The following DENND5B variants were observed in gnomAD, a reference collection of about 807,000 sequenced individuals.
DENND5B encodes the protein DENN domain-containing protein 5B.
In DENND5B, 34 loss-of-function variants were observed where a neutral mutation model predicts 140.6. The observed-to-expected ratio is 0.24, with a 90% CI of 0.18 to 0.32. DENND5B has a LOEUF of 0.32. DENND5B is among the 10% of genes least tolerant of loss of function. The pLI is 1.00. For missense variants in DENND5B, 1,142 were observed against 1,560.2 expected (o/e 0.73, Z 4.52); for synonymous variants, 551 against 562.1 (o/e 0.98, Z 0.28).
Position 31,580,391 on chromosome 12 carries a change from CTTTTT to C in DENND5B, c.127+10310_127+10314del, listed in dbSNP as rs1950176500. 6.6e-5 allele frequency among the ~76,000 whole-genome samples: 10 copies of C among 152,118 alleles called. 1 individual carries two copies. In the South Asian group the frequency reaches 2.1e-3, roughly 32 times the overall value. ...AGCCCTTCACAAAGCTGTTAGATACCTTTTTTTAGAAATCATTTATCCATTATCTT... is the reference window on the plus strand; with the variant it reads ...AGCCCTTCACAAAGCTGTTAGATACCTTAGAAATCATTTATCCATTATCTT... On this transcript the variant is annotated intron_variant, in intron 1 of 20. Coordinates refer to ENST00000389082, the MANE Select transcript of DENND5B (RefSeq NM_144973.4).
chr12:31,547,572 A>G (rs1390766689), intron 1 of DENND5B, among the ~76,000 whole-genome samples: 1 of 150,874 alleles, frequency 6.6e-6, no homozygotes, highest in Non-Finnish European at 1.5e-5. Flanking sequence ...TAATTTTTGT[A>G]TTTTTAGTAG....
intron 17 of DENND5B, among the ~76,000 whole-genome samples, chr12:31,393,086 G>A (rs1314452302): frequency 6.6e-6 from 1 of 152,132 alleles, no homozygotes; most frequent in African/African-American, 2.4e-5. Context: ...CCCCAAATAT[G>A]AGAAGCAAGG....
chr12:31,525,033 C>T (rs1948038078), intron 1 of DENND5B, among the ~76,000 whole-genome samples: 1 of 152,166 alleles, frequency 6.6e-6, no homozygotes, highest in Non-Finnish European at 1.5e-5. Context: ...CAATGAGATA[C>T]CACTTCACAC....
At chr12:31,562,926 CT>C (rs36081364) in intron 1 of DENND5B, among the ~76,000 whole-genome samples, 100,428 of 147,502 alleles carry the variant, frequency 0.68, 34,241 homozygotes, top group East Asian at 0.83. Context: ...TTCCTTTTTC[CT>C]TTTTTTTTTT....
intron 1 of DENND5B, among the ~76,000 whole-genome samples, chr12:31,501,565 G>A (rs1167168922): frequency 1.3e-5 from 2 of 152,162 alleles, no homozygotes; most frequent in Non-Finnish European, 2.9e-5. Flanking sequence ...CCTGAGGTCA[G>A]GAGTTTGAGA....
intron 1 of DENND5B, among the ~76,000 whole-genome samples, chr12:31,551,391 C>CCAT (rs1320822403): frequency 1.3e-5 from 2 of 152,110 alleles, no homozygotes; most frequent in East Asian, 3.9e-4. Flanking sequence ...GGCATTATTT[C>CCAT]TGAGGGCTCT....
intron 11 of DENND5B, among the ~76,000 whole-genome samples, chr12:31,416,356 T>C (rs1285214354): frequency 6.6e-6 from 1 of 151,672 alleles, no homozygotes; most frequent in African/African-American, 2.4e-5. Context: ...CTCCGCCTCC[T>C]GAGTTCAAGC....
chr12:31,581,534 C>A (rs527976924), intron 1 of DENND5B, among the ~76,000 whole-genome samples: 105 of 150,290 alleles, frequency 7.0e-4, no homozygotes, highest in African/African-American at 2.4e-3. Context: ...ACTAAAAATA[C>A]AAAAAAAAAT....
Position 31,475,472 on chromosome 12 carries a change from A to T in DENND5B, c.904+4117T>A, listed in dbSNP as rs193111203. Among the ~76,000 whole-genome samples, 300 of 152,280 alleles carry T rather than the reference A, an allele frequency of 2.0e-3. 1 individual carries two copies. Among genetic ancestry groups the T allele is most frequent in the South Asian group, 2.9e-3 (14 of 4,824 alleles). The stretch of plus-strand genomic sequence containing the variant: ...CTCCACAAACCAAACAGGACAAGCT[A>T]AGCAGTGGCTCACACCTGTAAACCC... On this transcript the variant is annotated intron_variant, in intron 3 of 20. Coordinates refer to ENST00000389082, the MANE Select transcript of DENND5B (RefSeq NM_144973.4).
chr12:31,560,553 A>T (rs1949437981), intron 1 of DENND5B, among the ~76,000 whole-genome samples: 1 of 152,152 alleles, frequency 6.6e-6, no homozygotes, highest in South Asian at 2.1e-4. Context: ...ACACACACAC[A>T]ATTTAGTCTT....
chr12:31,498,908 G>C (rs1339969861), intron 1 of DENND5B, among the ~76,000 whole-genome samples: 1 of 150,844 alleles, frequency 6.6e-6, no homozygotes, highest in Non-Finnish European at 1.5e-5. Context: ...GGGAGGTGGG[G>C]GTTGCAGTGA....
intron 11 of DENND5B, 83 bp downstream of exon 11, chr12:31,423,514 G>C: frequency 1.4e-6 from 2 of 1,387,446 alleles, no homozygotes; most frequent in Non-Finnish European, 2.0e-6. Flanking sequence ...TAGCTTGAGA[G>C]AGAAAGAGAT....
intron 1 of DENND5B, among the ~76,000 whole-genome samples, chr12:31,524,719 G>GAA (rs5797415): frequency 6.2e-4 from 94 of 151,094 alleles, no homozygotes; most frequent in African/African-American, 1.9e-3. Context: ...CAAAGAAAAA[G>GAA]AAAAAAAAAG....
intron 1 of DENND5B, among the ~76,000 whole-genome samples, chr12:31,536,944 GA>G (rs892487641): frequency 3.3e-5 from 5 of 151,892 alleles, no homozygotes; most frequent in African/African-American, 7.2e-5. Context: ...AGTGCTGAAG[GA>G]AAAAAACTTT....
At chr12:31,426,261 C>T in intron 9 of DENND5B, 32 bp downstream of exon 9, 1 of 1,586,270 alleles carries the variant, frequency 6.3e-7, no homozygotes. Flanking sequence ...AACATGAATG[C>T]ACACTGTCTG....
chr12:31,570,843 T>C (rs576990646), intron 1 of DENND5B, among the ~76,000 whole-genome samples: 20 of 152,010 alleles, frequency 1.3e-4, no homozygotes, highest in African/African-American at 4.4e-4. Context: ...GTCTAAACAT[T>C]TGAAACTCAC....
At chr12:31,444,105 T>C (rs1193976355) in intron 6 of DENND5B, 4 of 152,228 alleles carry the variant, frequency 2.6e-5, no homozygotes, top group Admixed American at 6.5e-5. Context: ...CCTAGGTCTC[T>C]GATCCTCTGC....
intron 1 of DENND5B, among the ~76,000 whole-genome samples, chr12:31,505,697 G>C (rs1182163071): frequency 6.6e-6 from 1 of 152,140 alleles, no homozygotes; most frequent in Non-Finnish European, 1.5e-5. Context: ...TGAAGGTCTA[G>C]GGTGATGGTC....
intron 9 of DENND5B, among the ~76,000 whole-genome samples, chr12:31,425,738 G>T (rs1261069329): frequency 2.6e-5 from 4 of 152,176 alleles, no homozygotes; most frequent in Non-Finnish European, 2.9e-5. Flanking sequence ...AATATGCAGA[G>T]AAGGTACTCA....
Sources: allele counts gnomAD v4.1 joint callset (sites outside exome capture counted in the v4.1 genomes callset), GRCh38; gene constraint gnomAD v4.1.1; transcripts MANE v1.5; gene names NCBI Gene and HGNC (gene_info 2026-07-23, HGNC 2026-07-21).